Variants in RGS17 observed in about 807,000 individuals in gnomAD.
The protein encoded by RGS17 is regulator of G-protein signaling 17.
RGS17 carries 12 observed loss-of-function variants against 25.5 expected under a neutral mutation model. That is an observed-to-expected ratio of 0.47 (90% CI 0.30 to 0.76). The LOEUF is 0.76. Ranked by LOEUF, RGS17 falls within the 30% of genes least tolerant of loss-of-function variation. RGS17 has a pLI of 0.07. For missense variants in RGS17, 196 were observed against 242.2 expected (o/e 0.81, Z 1.27); for synonymous variants, 71 against 76.9 (o/e 0.92, Z 0.40).
chr6:153,098,926 T>C (rs976523834), intron 1 of RGS17, among the ~76,000 whole-genome samples: 8 of 152,062 alleles, frequency 5.3e-5, no homozygotes, highest in African/African-American at 1.9e-4. Context: ...CCGACAAAAA[T>C]ACTAGAGCAG....
intron 2 of RGS17, among the ~76,000 whole-genome samples, chr6:153,029,285 A>G (rs1174191838): frequency 6.6e-6 from 1 of 152,214 alleles, no homozygotes; most frequent in Non-Finnish European, 1.5e-5. Flanking sequence ...ACCGGTCTTA[A>G]AAAATGGGTT....
At chr6:153,125,097 TTA>T (rs1448887378) in intron 1 of RGS17, among the ~76,000 whole-genome samples, 2 of 152,192 alleles carry the variant, frequency 1.3e-5, no homozygotes, top group African/African-American at 4.8e-5. Context: ...CTCATTCCAT[TTA>T]TGTCATAATT....
intron 2 of RGS17, among the ~76,000 whole-genome samples, chr6:153,035,496 T>A (rs773397846): frequency 6.6e-6 from 1 of 152,152 alleles, no homozygotes; most frequent in Non-Finnish European, 1.5e-5. Context: ...GTTAGGCCCA[T>A]AAGAAATAAT....
intron 1 of RGS17, among the ~76,000 whole-genome samples, chr6:153,105,299 T>C (rs551825853): frequency 6.6e-6 from 1 of 152,280 alleles, no homozygotes; most frequent in African/African-American, 2.4e-5. Context: ...CTATAAACTG[T>C]GGCTTATTCT....
intron 4 of RGS17, among the ~76,000 whole-genome samples, chr6:153,022,940 T>A (rs1779260815): frequency 6.6e-6 from 1 of 152,174 alleles, no homozygotes. Context: ...ACCTTGCTTT[T>A]ATGAATACAT....
chr6:153,027,433 G>A (rs910892956), intron 2 of RGS17, among the ~76,000 whole-genome samples: 4 of 152,020 alleles, frequency 2.6e-5, no homozygotes, highest in Admixed American at 1.3e-4. Flanking sequence ...TCAGTGGCTC[G>A]GGAAAATTTG....
At position 153,009,087 on chromosome 6, in the gene RGS17, C is replaced by T. The variant is rs530667570; in HGVS notation, c.*2487G>A. Reference sequence around the variant, plus strand: ...CTTTAAAATCTGTGTTCTACAAATGCCCAGGTTAGAGATTAGGACTCTTTA... The same window carrying T: ...CTTTAAAATCTGTGTTCTACAAATGTCCAGGTTAGAGATTAGGACTCTTTA... On this transcript the variant is annotated 3_prime_UTR_variant, in exon 5 of 5. Coordinates refer to ENST00000206262, the MANE Select transcript of RGS17 (RefSeq NM_012419.5). 1.3e-5 allele frequency: 2 copies of T among 152,130 alleles called. No individual in the cohort carries two copies. The highest frequency in any genetic ancestry group is 4.8e-5 in the African/African-American group (2 of 41,516). The allele number at this position is 152,130 out of a possible 1,614,324, so 9.4% of individuals were successfully genotyped here. A position where few individuals can be genotyped will look rare whatever the true frequency, so the allele number is the denominator to read the frequency against.
chr6:153,111,242 G>C (rs559221313), intron 1 of RGS17, among the ~76,000 whole-genome samples: 1 of 152,134 alleles, frequency 6.6e-6, no homozygotes, highest in Non-Finnish European at 1.5e-5. Flanking sequence ...TGGGATGCTC[G>C]AGCTTAGTCG....
chr6:153,109,028 C>T (rs961587131), intron 1 of RGS17, among the ~76,000 whole-genome samples: 8 of 152,112 alleles, frequency 5.3e-5, no homozygotes, highest in Non-Finnish European at 1.2e-4. Context: ...TTTGTTTAAT[C>T]AAAATCACTT....
At chr6:153,030,875 C>T (rs1025706723) in intron 2 of RGS17, among the ~76,000 whole-genome samples, 2 of 152,150 alleles carry the variant, frequency 1.3e-5, no homozygotes, top group Non-Finnish European at 2.9e-5. Context: ...GATAAGAACT[C>T]GGACAGAACT....
intron 1 of RGS17, among the ~76,000 whole-genome samples, chr6:153,051,521 G>A (rs768150611): frequency 4.6e-5 from 7 of 152,156 alleles, no homozygotes; most frequent in Non-Finnish European, 7.4e-5. Flanking sequence ...GTGCAATGGA[G>A]AACAGGCAAT....
At chr6:153,029,279 G>A (rs1779335882) in intron 2 of RGS17, among the ~76,000 whole-genome samples, 1 of 152,102 alleles carries the variant, frequency 6.6e-6, no homozygotes, top group Non-Finnish European at 1.5e-5. Context: ...TTTACTACCG[G>A]TCTTAAAAAA....
chr6:153,112,149 G>T (rs1777480171), intron 1 of RGS17, among the ~76,000 whole-genome samples: 1 of 152,110 alleles, frequency 6.6e-6, no homozygotes, highest in Non-Finnish European at 1.5e-5. Flanking sequence ...AGCTAAAGAA[G>T]CATGTTCTAA....
intron 1 of RGS17, among the ~76,000 whole-genome samples, chr6:153,123,891 A>C (rs572360746): frequency 2.0e-5 from 3 of 152,290 alleles, no homozygotes; most frequent in African/African-American, 7.2e-5. Context: ...AGATGTATGT[A>C]CACATTTTCT....
chr6:153,114,394 C>T (rs1404421007), intron 1 of RGS17, among the ~76,000 whole-genome samples: 2 of 152,124 alleles, frequency 1.3e-5, no homozygotes, highest in African/African-American at 4.8e-5. Context: ...GAAGTCTCAT[C>T]CCAGAATAGA....
Position 153,131,276 on chromosome 6 carries a change from G to C in RGS17, c.-178C>G, listed in dbSNP as rs1057358872. On this transcript the variant is annotated 5_prime_UTR_variant, in exon 1 of 5. Transcript: ENST00000206262. ...GGGAGAGCGGCGAGGATGCAGAGGA[G>C]GGGGAGGGGGAGGAGGGAGCGGTGG... The C allele has an allele frequency of 4.7e-5, 7 of 150,322 alleles. No individual in the cohort carries two copies. Among genetic ancestry groups the C allele is most frequent in the African/African-American group, 1.5e-4 (6 of 41,126 alleles). 9.3% of individuals were successfully genotyped at this position (150,322 alleles called of 1,614,324 possible). A position where few individuals can be genotyped will look rare whatever the true frequency, so the allele number is the denominator to read the frequency against.
At chr6:153,121,063 G>GTT (rs940954358) in intron 1 of RGS17, among the ~76,000 whole-genome samples, 6 of 145,258 alleles carry the variant, frequency 4.1e-5, no homozygotes, top group African/African-American at 1.5e-4. Flanking sequence ...ACTTGTTCAT[G>GTT]TTTTTTTTTT....
In RGS17 at chr6:153,008,665, T is replaced by C. The variant is rs571090682; in HGVS notation, c.*2909A>G. 4 of 152,330 alleles carry C rather than the reference T, an allele frequency of 2.6e-5. No individual in the cohort carries two copies. In the South Asian group the frequency reaches 8.3e-4, roughly 32 times the overall value. 9.4% of individuals were successfully genotyped at this position (152,330 alleles called of 1,614,324 possible). ...TTCTGTGTGCATCAGCAAATTCTAA[T>C]AGTATACAAAGATACCTTGGCAATT... On this transcript the variant is annotated 3_prime_UTR_variant, in exon 5 of 5. Coordinates refer to ENST00000206262, the MANE Select transcript of RGS17 (RefSeq NM_012419.5).
chr6:153,054,078 ACACACAATAT>A (rs1776515110), intron 1 of RGS17, among the ~76,000 whole-genome samples: 1 of 44,674 alleles, frequency 2.2e-5, no homozygotes, highest in African/African-American at 8.7e-5. Context: ...ATATATATAT[ACACACAATAT>A]TTTTTATATA....
Sources: allele counts gnomAD v4.1 joint callset (sites outside exome capture counted in the v4.1 genomes callset), GRCh38; gene constraint gnomAD v4.1.1; transcripts MANE v1.5; gene names NCBI Gene and HGNC (gene_info 2026-07-23, HGNC 2026-07-21).